Variants in CCDC92 observed in about 807,000 individuals in gnomAD.
CCDC92 encodes the protein coiled-coil domain containing 92.
Under a neutral mutation model 24.9 loss-of-function variants are expected in CCDC92, and 12 were observed. The observed-to-expected ratio is 0.48, with a 90% CI of 0.31 to 0.78. The LOEUF (loss-of-function observed/expected upper bound fraction) is 0.78. Ranked by LOEUF, CCDC92 falls within the 30% of genes least tolerant of loss-of-function variation. The probability of loss-of-function intolerance (pLI) is 0.05; values close to 1 mark genes in which losing one functional copy is unlikely to be tolerated. For synonymous variants in CCDC92, 193 were observed against 196.3 expected (o/e 0.98, Z 0.14); for missense variants, 399 against 439.4 (o/e 0.91, Z 0.82).
At chr12:123,969,277 C>T (rs962532484) in intron 1 of CCDC92, among the ~76,000 whole-genome samples, 4 of 152,080 alleles carry the variant, frequency 2.6e-5, no homozygotes, top group Admixed American at 6.5e-5. Flanking sequence ...TTTGTTTTAC[C>T]TTCAGCTGCC....
chr12:123,963,338 C>T (rs1407110523), intron 1 of CCDC92, among the ~76,000 whole-genome samples: 1 of 152,200 alleles, frequency 6.6e-6, no homozygotes, highest in Non-Finnish European at 1.5e-5. Flanking sequence ...ACTCTCACCA[C>T]ATGCAGCATC....
intron 1 of CCDC92, chr12:123,944,596 T>C: frequency 2.7e-6 from 1 of 365,172 alleles, no homozygotes; most frequent in East Asian, 4.8e-5. Context: ...TCATCAATTA[T>C]CTGTACGACC....
intron 1 of CCDC92, among the ~76,000 whole-genome samples, chr12:123,954,504 G>A (rs1045446381): frequency 2.0e-5 from 3 of 152,152 alleles, no homozygotes; most frequent in African/African-American, 7.2e-5. Context: ...AGCCTGTCTG[G>A]GAAGGCTGCA....
intron 1 of CCDC92, among the ~76,000 whole-genome samples, chr12:123,949,965 C>T (rs1027238665): frequency 2.6e-5 from 4 of 152,314 alleles, no homozygotes; most frequent in East Asian, 1.9e-4. Flanking sequence ...TGTAACATGA[C>T]GACATAATTC....
chr12:123,959,744 G>C (rs1456789192), intron 1 of CCDC92, among the ~76,000 whole-genome samples: 3 of 152,154 alleles, frequency 2.0e-5, no homozygotes, highest in Non-Finnish European at 4.4e-5. Flanking sequence ...TGTAGCTATT[G>C]AACACCTGAA....
intron 2 of CCDC92, chr12:123,943,832 C>G (rs376887884): frequency 2.9e-5 from 13 of 453,422 alleles, no homozygotes; most frequent in African/African-American, 1.4e-4. Context: ...GATTCGCGAG[C>G]CTGGGGTCAC....
chr12:123,963,300 G>A (rs1956317507), intron 1 of CCDC92, among the ~76,000 whole-genome samples: 1 of 152,162 alleles, frequency 6.6e-6, no homozygotes, highest in Non-Finnish European at 1.5e-5. Context: ...GCTAGTAAAC[G>A]CAGCGTATGG....
At chr12:123,942,952 G>A (rs577755994) in intron 3 of CCDC92, among the ~76,000 whole-genome samples, 167 bp from the exon 4 acceptor site, 2 of 152,254 alleles carry the variant, frequency 1.3e-5, no homozygotes, top group South Asian at 4.1e-4. Flanking sequence ...AAACATCTGC[G>A]GCCACTGTGC....
intron 1 of CCDC92, among the ~76,000 whole-genome samples, chr12:123,968,935 G>C (rs2138227576): frequency 6.6e-6 from 1 of 152,300 alleles, no homozygotes; most frequent in East Asian, 1.9e-4. Flanking sequence ...AAAATGGAGA[G>C]GTCAGATCTT....
chr12:123,944,479 T>G, intron 1 of CCDC92, 115 bp from the exon 2 acceptor site: 2 of 577,018 alleles, frequency 3.5e-6, no homozygotes, highest in Non-Finnish European at 5.7e-6. Context: ...GAGGTACAAC[T>G]TCTCAATGGC....
intron 2 of CCDC92, 63 bp downstream of exon 2, chr12:123,944,209 T>G: frequency 1.9e-6 from 2 of 1,055,468 alleles, no homozygotes; most frequent in East Asian, 2.4e-5. Context: ...CTGTCCCCAA[T>G]GCTTGGCCCC....
chr12:123,957,324 T>A (rs1394108953), intron 1 of CCDC92, among the ~76,000 whole-genome samples: 1 of 152,224 alleles, frequency 6.6e-6, no homozygotes. Flanking sequence ...CTTCCCAGTT[T>A]TCAGAATGCA....
At chr12:123,943,297 C>A in intron 3 of CCDC92, 50 bp downstream of exon 3, 1 of 1,594,222 alleles carries the variant, frequency 6.3e-7, no homozygotes, top group Admixed American at 1.7e-5. Context: ...CTGGGCTCTG[C>A]CGTGCCCCAT....
At position 123,943,327 on chromosome 12, in the gene CCDC92, G is replaced by T. The variant is rs57861885; in HGVS notation, c.181+20C>A. On this transcript the variant is annotated intron_variant, in intron 3 of 4. Coordinates refer to ENST00000238156, the MANE Select transcript of CCDC92 (RefSeq NM_025140.3). The stretch of plus-strand genomic sequence containing the variant: ...CCCCATAGCCGCCCCCCGCCTGCCC[G>T]GGCCTGCTCCCCGATGTACCTGTGC... 3.7e-6 allele frequency: 6 copies of T among 1,607,964 alleles called. No homozygotes were observed. In the African/African-American group the frequency reaches 6.7e-5, roughly 18 times the overall value.
rs866407809 is a variant in CCDC92, at chr12:123,943,285, C to T, written c.181+62G>A. 385 of 1,569,032 alleles carry T rather than the reference C, an allele frequency of 2.5e-4. 3 individuals carry two copies. In the Middle Eastern group the frequency reaches 4.7e-3, roughly 19 times the overall value. ...GCAGGGCAGGCCTAGCACATTCTGA[C>T]GCTGGGCTCTGCCGTGCCCCATAGC... On this transcript the variant is annotated intron_variant, in intron 3 of 4. Transcript: ENST00000238156.
chr12:123,940,661 G>A (rs1955656387), intron 4 of CCDC92, among the ~76,000 whole-genome samples: 1 of 152,190 alleles, frequency 6.6e-6, no homozygotes, highest in Non-Finnish European at 1.5e-5. Context: ...ATGAAAGCTT[G>A]GTGCACACTG....
intron 1 of CCDC92, among the ~76,000 whole-genome samples, 182 bp downstream of exon 1, chr12:123,972,347 C>G (rs1333988929): frequency 1.3e-5 from 2 of 152,110 alleles, no homozygotes; most frequent in East Asian, 1.9e-4. Flanking sequence ...ACGTGGCTCC[C>G]AAGCCCCGGA....
At position 123,972,811 on chromosome 12, in the gene CCDC92, C is replaced by CGCG. The variant is rs1282695358; in HGVS notation, c.-345_-343dup. The CGCG allele has an allele frequency of 6.8e-6, 1 of 146,234 alleles. No homozygotes were observed. Among genetic ancestry groups the CGCG allele is most frequent in the Non-Finnish European group, 1.5e-5 (1 of 65,848 alleles). The allele number at this position is 146,234 out of a possible 1,614,324, so 9.1% of individuals were successfully genotyped here. ...GCTGACCCGGCGGGCTAGGCGCCGG[C>CGCG]GCGGCGGCGGGCCTGTGTCTGCCGG... On this transcript the variant is annotated 5_prime_UTR_variant, in exon 1 of 5. Transcript: ENST00000238156.
chr12:123,955,052 C>T (rs577202163), intron 1 of CCDC92, among the ~76,000 whole-genome samples: 3 of 152,340 alleles, frequency 2.0e-5, no homozygotes, highest in South Asian at 4.1e-4. Context: ...CTCCTCCTGC[C>T]CTTTCTCAGC....
Sources: allele counts gnomAD v4.1 joint callset (sites outside exome capture counted in the v4.1 genomes callset), GRCh38; gene constraint gnomAD v4.1.1; transcripts MANE v1.5; gene names NCBI Gene and HGNC (gene_info 2026-07-23, HGNC 2026-07-21).